Variants in SHCBP1 observed in about 807,000 individuals in gnomAD.
SHCBP1 encodes SHC binding and spindle associated 1.
In SHCBP1, 60 loss-of-function variants were observed where a neutral mutation model predicts 75.1. The ratio of observed to expected loss-of-function variants is 0.80; its 90% confidence interval spans 0.65 to 0.99. The LOEUF (loss-of-function observed/expected upper bound fraction) is 0.99. Among genes scored for constraint, SHCBP1 ranks in the 50% least tolerant of loss-of-function variants. The pLI is 0.00. For synonymous variants in SHCBP1, 290 were observed against 293.2 expected, an observed-to-expected ratio of 0.99 and a Z score of 0.11; for missense variants, 709 against 809.4, an observed-to-expected ratio of 0.88 and a Z score of 1.50.
At chr16:46,600,209 C>T (rs1965211631) in intron 8 of SHCBP1, among the ~76,000 whole-genome samples, 1 of 152,162 alleles carries the variant, frequency 6.6e-6, no homozygotes, top group South Asian at 2.1e-4. Flanking sequence ...AACTATCCCA[C>T]ATCAGCTCAG....
At chr16:46,593,686 C>A (rs534401399) in intron 10 of SHCBP1, among the ~76,000 whole-genome samples, 2 of 152,114 alleles carry the variant, frequency 1.3e-5, no homozygotes, top group Admixed American at 6.5e-5. Context: ...ATGCCATAAG[C>A]CGTGTTCATG....
rs1964834927 is a variant in SHCBP1 at position 46,579,192 on chromosome 16, A to T, written c.*2537T>A. Among the ~76,000 whole-genome samples, 1 of 152,212 alleles carries T rather than the reference A, an allele frequency of 6.6e-6. No homozygotes were observed. Among genetic ancestry groups the T allele is most frequent in the Non-Finnish European group, 1.5e-5 (1 of 68,034 alleles). ...TAAGAGTGGACCATAAGGACAGGAC[A>T]CACAATTAGTCAACACAGAAGGCTA... On this transcript the variant is annotated 3_prime_UTR_variant, in exon 13 of 13. Coordinates refer to ENST00000303383, the MANE Select transcript of SHCBP1 (RefSeq NM_024745.5).
chr16:46,618,252 T>A lies in SHCBP1; in HGVS notation c.224A>T (p.Gln75Leu). The A allele has an allele frequency of 6.2e-7, 1 of 1,613,190 alleles. No homozygotes were observed. The highest frequency in any genetic ancestry group is 1.1e-5 in the South Asian group (1 of 90,682). ...TCTGAATCGCTCATAGAACAAAAGTTGATTTGTTTGGAAAATTTCTGGGAA... is the reference window on the plus strand; with the variant it reads ...TCTGAATCGCTCATAGAACAAAAGTAGATTTGTTTGGAAAATTTCTGGGAA... Reference protein sequence around the residue: ...TFFPEIFQTNQLLFYERFRAY... With the variant: ...TFFPEIFQTNLLLFYERFRAY... Residue 75 changes from glutamine (Q) to leucine (L), a missense_variant, in exon 2 of 13, where the codon CAA becomes CTA. Physicochemically the swap from Gln to Leu is moderately radical, Grantham distance 113. Transcript: ENST00000303383.
chr16:46,601,755 A>C (rs1020220052), intron 8 of SHCBP1, among the ~76,000 whole-genome samples: 1 of 152,272 alleles, frequency 6.6e-6, no homozygotes, highest in Non-Finnish European at 1.5e-5. Context: ...AATTAAAAGT[A>C]CAAAAAGAAT....
intron 10 of SHCBP1, among the ~76,000 whole-genome samples, chr16:46,588,939 C>A (rs932047339): frequency 1.3e-4 from 20 of 152,040 alleles, no homozygotes; most frequent in African/African-American, 4.8e-4. Context: ...ACTGGCAAAC[C>A]GAATCCAGCA....
At chr16:46,594,952 C>T (rs1443826112) in intron 10 of SHCBP1, among the ~76,000 whole-genome samples, 1 of 152,210 alleles carries the variant, frequency 6.6e-6, no homozygotes, top group South Asian at 2.1e-4. Flanking sequence ...CTAGGTGAAG[C>T]TCCACAGAAC....
intron 5 of SHCBP1, among the ~76,000 whole-genome samples, chr16:46,605,806 T>C (rs1965317864): frequency 6.6e-6 from 1 of 151,888 alleles, no homozygotes; most frequent in South Asian, 2.1e-4. Context: ...TAGAACCATA[T>C]CTTAAACAAA....
chr16:46,586,390 A>C (rs1330030936), intron 10 of SHCBP1, among the ~76,000 whole-genome samples: 1 of 152,228 alleles, frequency 6.6e-6, no homozygotes, highest in East Asian at 1.9e-4. Flanking sequence ...GTGAACTGGA[A>C]GACAGAACAG....
At chr16:46,595,381 C>T (rs1345398134) in intron 10 of SHCBP1, among the ~76,000 whole-genome samples, 171 bp downstream of exon 10, 1 of 152,162 alleles carries the variant, frequency 6.6e-6, no homozygotes, top group Admixed American at 6.5e-5. Context: ...TTCTTCCTAT[C>T]ATTTGAAAAT....
chr16:46,604,900 T>C (rs978799375), intron 5 of SHCBP1, among the ~76,000 whole-genome samples: 4 of 152,216 alleles, frequency 2.6e-5, no homozygotes, highest in Non-Finnish European at 5.9e-5. Flanking sequence ...GATTACTATA[T>C]TTTTCATGGA....
At chr16:46,609,435 T>C (rs903043641) in intron 4 of SHCBP1, among the ~76,000 whole-genome samples, 2 of 146,640 alleles carry the variant, frequency 1.4e-5, no homozygotes, top group Non-Finnish European at 3.0e-5. Context: ...ATCCACACTT[T>C]TCTTTTCTTT....
At chr16:46,614,645 C>T (rs893470399) in intron 4 of SHCBP1, among the ~76,000 whole-genome samples, 5 of 151,954 alleles carry the variant, frequency 3.3e-5, no homozygotes, top group African/African-American at 9.7e-5. Context: ...CTAGAAGCAG[C>T]CTAAGAAAAC....
chr16:46,595,223 T>G (rs1596675567), intron 10 of SHCBP1, among the ~76,000 whole-genome samples: 1 of 152,286 alleles, frequency 6.6e-6, no homozygotes, highest in South Asian at 2.1e-4. Flanking sequence ...TTTCACAAGA[T>G]GTTACCATTA....
chr16:46,585,364 T>C (rs1964940376), intron 10 of SHCBP1, among the ~76,000 whole-genome samples: 1 of 151,896 alleles, frequency 6.6e-6, no homozygotes, highest in Admixed American at 6.6e-5. Flanking sequence ...AAAACAAGCA[T>C]AAGACTGAAA....
At position 46,579,988 on chromosome 16, in the gene SHCBP1, G is replaced by T. The variant is rs1200118346; in HGVS notation, c.*1741C>A. Among the ~76,000 whole-genome samples the T allele has an allele frequency of 6.6e-6, 1 of 151,358 alleles. No individual in the cohort carries two copies. Among genetic ancestry groups the T allele is most frequent in the East Asian group, 1.9e-4 (1 of 5,180 alleles). ...TACAAAAAAAAAATTAGCTGGGCAT[G>T]GTGGCGGGCACCTATAATCCCAGCT... On this transcript the variant is annotated 3_prime_UTR_variant, in exon 13 of 13. Coordinates refer to ENST00000303383, the MANE Select transcript of SHCBP1 (RefSeq NM_024745.5).
chr16:46,589,644 AC>A (rs1380161211), intron 10 of SHCBP1, among the ~76,000 whole-genome samples: 1 of 152,232 alleles, frequency 6.6e-6, no homozygotes, highest in African/African-American at 2.4e-5. Flanking sequence ...TTCAAGGAGA[AC>A]TACAAACCAC....
Position 46,594,877 on chromosome 16 carries a change from A to G in SHCBP1, c.1464+675T>C, listed in dbSNP as rs768791835. 5.4e-4 allele frequency among the ~76,000 whole-genome samples: 83 copies of G among 152,338 alleles called. 1 individual carries two copies. The highest frequency in any genetic ancestry group is 1.1e-3 in the Non-Finnish European group (78 of 68,032). On this transcript the variant is annotated intron_variant, in intron 10 of 12. Transcript: ENST00000303383. ...CCACAAGTGACAAAACAAACCGTGG[A>G]ACAACCACACATTGGACTATTCCTC...
At chr16:46,604,492 T>C in intron 5 of SHCBP1, 31 bp from the exon 6 acceptor site, 1 of 1,493,972 alleles carries the variant, frequency 6.7e-7, no homozygotes, top group East Asian at 2.3e-5. Flanking sequence ...TGAAATCCAC[T>C]GCCTTTCAGG....
chr16:46,612,755 C>T lies in SHCBP1; in HGVS notation c.596+3191G>A, dbSNP rs8182194. ...ATAGTTCTATTCCATGACTCGGCTCCAATATCATCCTCACCAGTACCATGC... is the reference window on the plus strand; with the variant it reads ...ATAGTTCTATTCCATGACTCGGCTCTAATATCATCCTCACCAGTACCATGC... On this transcript the variant is annotated intron_variant, in intron 4 of 12. Coordinates refer to ENST00000303383, the MANE Select transcript of SHCBP1 (RefSeq NM_024745.5). Among the ~76,000 whole-genome samples, 11 of 152,254 alleles carry T rather than the reference C, an allele frequency of 7.2e-5. No individual in the cohort carries two copies. In the East Asian group the frequency reaches 1.9e-3, roughly 27 times the overall value.
Sources: allele counts gnomAD v4.1 joint callset (sites outside exome capture counted in the v4.1 genomes callset), GRCh38; gene constraint gnomAD v4.1.1; transcripts MANE v1.5; gene names NCBI Gene and HGNC (gene_info 2026-07-23, HGNC 2026-07-21).